Variants in WASF2 observed in about 807,000 individuals in gnomAD.
WASF2 encodes WASP family member 2.
A neutral mutation model predicts 45.0 loss-of-function variants in WASF2; 14 were observed. The ratio of observed to expected loss-of-function variants is 0.31; its 90% CI spans 0.21 to 0.49. The LOEUF (loss-of-function observed/expected upper bound fraction) is 0.49, where lower values mean the gene tolerates loss of function less well. WASF2 is among the 20% of genes least tolerant of loss of function. WASF2 has a pLI of 0.99. For missense variants in WASF2, 439 were observed against 636.1 expected, an observed-to-expected ratio of 0.69 and a Z score of 3.33; for synonymous variants, 200 against 236.3, an observed-to-expected ratio of 0.85 and a Z score of 1.41.
At chr1:27,440,805 A>G (rs1239561572) in intron 1 of WASF2, among the ~76,000 whole-genome samples, 1 of 152,244 alleles carries the variant, frequency 6.6e-6, no homozygotes, top group East Asian at 1.9e-4. Context: ...CCACATAACA[A>G]CATTTCAGTC....
rs371927422 is a variant in WASF2, at chr1:27,422,604, G to C, written c.131-3516C>G. Among the ~76,000 whole-genome samples, 31 of 112,390 alleles carry C rather than the reference G, an allele frequency of 2.8e-4. No homozygotes were observed. The East Asian group carries it at 6.3e-3, about 23-fold the overall frequency. 73.7% of individuals were successfully genotyped at this position (112,390 alleles called of 152,430 possible). A position where few individuals can be genotyped will look rare whatever the true frequency, so the allele number is the denominator to read the frequency against. ...ACTGCACTCCAGCCTGGGTGACAGA[G>C]CAAGACTCCGTCTCAAAAAAAAAAA... On this transcript the variant is annotated intron_variant, in intron 2 of 8. Transcript: ENST00000618852.
At chr1:27,479,257 G>C (rs1280088276) in intron 1 of WASF2, among the ~76,000 whole-genome samples, 1 of 151,416 alleles carries the variant, frequency 6.6e-6, no homozygotes, top group African/African-American at 2.4e-5. Context: ...CTGCACTCCA[G>C]TGTGGGCGAC....
chr1:27,457,584 C>A lies in WASF2; in HGVS notation c.-43-28651G>T, dbSNP rs558283622. 5.3e-5 allele frequency among the ~76,000 whole-genome samples: 8 copies of A among 151,242 alleles called. No homozygotes were observed. In the East Asian group the frequency reaches 1.6e-3, roughly 29 times the overall value. On this transcript the variant is annotated intron_variant, in intron 1 of 8. Coordinates refer to ENST00000618852, the MANE Select transcript of WASF2 (RefSeq NM_006990.5). The stretch of plus-strand genomic sequence containing the variant: ...GAATGGAATAATGGCAGAGTATAAT[C>A]CAGACATAAAGATCTGGGATTCAAC...
In WASF2 at chr1:27,462,177, C is replaced by T. The variant is rs551689090; in HGVS notation, c.-44+27809G>A. On this transcript the variant is annotated intron_variant, in intron 1 of 8. Transcript: ENST00000618852. Reference sequence around the variant, plus strand: ...ATTTTTAATAGAGATGGGGTTTCTCCATGCTGGCCAGGCTGGTCTCAAACT... The same window carrying T: ...ATTTTTAATAGAGATGGGGTTTCTCTATGCTGGCCAGGCTGGTCTCAAACT... 1.5e-4 allele frequency among the ~76,000 whole-genome samples: 23 copies of T among 151,370 alleles called. No individual in the cohort carries two copies. In the East Asian group the frequency reaches 4.3e-3, roughly 28 times the overall value.
chr1:27,449,603 A>C (rs1479809077), intron 1 of WASF2, among the ~76,000 whole-genome samples: 1 of 152,078 alleles, frequency 6.6e-6, no homozygotes, highest in Non-Finnish European at 1.5e-5. Context: ...CATCTCAAAA[A>C]AAAAAAAAAG....
intron 1 of WASF2, among the ~76,000 whole-genome samples, chr1:27,469,452 T>C (rs2017660645): frequency 6.6e-6 from 1 of 152,158 alleles, no homozygotes; most frequent in African/African-American, 2.4e-5. Context: ...CTTCAAGAGA[T>C]CATTCGATCT....
intron 3 of WASF2, 90 bp downstream of exon 3, chr1:27,418,864 C>CA (rs2016862225): frequency 1.5e-6 from 2 of 1,355,266 alleles, no homozygotes; most frequent in South Asian, 2.7e-5. Flanking sequence ...TTTCTCTCCT[C>CA]ACGTTTTTTT....
intron 1 of WASF2, among the ~76,000 whole-genome samples, chr1:27,487,588 ATT>A (rs1315127121): frequency 2.1e-5 from 2 of 96,910 alleles, no homozygotes; most frequent in Middle Eastern, 3.9e-3. Flanking sequence ...TATTATATAT[ATT>A]TTATATAATA....
At chr1:27,472,971 C>CA (rs59391183) in intron 1 of WASF2, among the ~76,000 whole-genome samples, 8,585 of 68,004 alleles carry the variant, frequency 0.13, 1,307 homozygotes, top group African/African-American at 0.33. Flanking sequence ...GACCTTGTCT[C>CA]AAAAAAAAAA....
chr1:27,446,982 T>C (rs904757939), intron 1 of WASF2, among the ~76,000 whole-genome samples: 1 of 152,160 alleles, frequency 6.6e-6, no homozygotes, highest in Non-Finnish European at 1.5e-5. Context: ...CATTTTTATT[T>C]TCTTGGTGAC....
Position 27,414,754 on chromosome 1 carries a change from G to A in WASF2, c.668+79C>T. The A allele has an allele frequency of 6.5e-7, 1 of 1,536,614 alleles. No individual in the cohort carries two copies. Among genetic ancestry groups the A allele is most frequent in the Admixed American group, 1.9e-5 (1 of 51,618 alleles). On this transcript the variant is annotated intron_variant, in intron 6 of 8. Coordinates refer to ENST00000618852, the MANE Select transcript of WASF2 (RefSeq NM_006990.5). The surrounding 1 kb of genome is among the most constrained non-coding windows in gnomAD (Gnocchi z 4.1). The stretch of plus-strand genomic sequence containing the variant: ...GAGACAGACTTCAGGGGGTGTGAAA[G>A]GTGTCACACCAGAGCTGTCAGACTG...
At chr1:27,449,598 CAA>C (rs575767319) in intron 1 of WASF2, among the ~76,000 whole-genome samples, 5 of 128,450 alleles carry the variant, frequency 3.9e-5, no homozygotes, top group Non-Finnish European at 6.7e-5. Context: ...GACTCCATCT[CAA>C]AAAAAAAAAA....
intron 1 of WASF2, among the ~76,000 whole-genome samples, chr1:27,486,117 G>A (rs1322406684): frequency 6.6e-6 from 1 of 151,770 alleles, no homozygotes; most frequent in African/African-American, 2.4e-5. Context: ...GGCAAAACCT[G>A]ACAAGAAATG....
Position 27,409,680 on chromosome 1 carries a change from A to G in WASF2, c.1339+12T>C. 5 of 1,490,058 alleles carry G rather than the reference A, an allele frequency of 3.4e-6. No individual in the cohort carries two copies. Among genetic ancestry groups the G allele is most frequent in the Non-Finnish European group, 4.5e-6 (5 of 1,119,186 alleles). 92.3% of individuals were successfully genotyped at this position (1,490,058 alleles called of 1,614,324 possible). ...AAGGCTCCACAGTCCCAAACCCACC[A>G]TTGAAATTTACCTTGACGGATGGCT... is the stretch of plus-strand genomic sequence containing the variant. On this transcript the variant is annotated intron_variant, in intron 8 of 8. Coordinates refer to ENST00000618852, the MANE Select transcript of WASF2 (RefSeq NM_006990.5).
rs1461250260 is a variant in WASF2, at chr1:27,418,186, A to G, written c.419+83T>C. 2.0e-6 allele frequency: 3 copies of G among 1,467,624 alleles called. No homozygotes were observed. The African/African-American group carries it at 4.3e-5, about 21-fold the overall frequency. 90.9% of individuals were successfully genotyped at this position (1,467,624 alleles called of 1,614,324 possible). A position where few individuals can be genotyped will look rare whatever the true frequency, so the allele number is the denominator to read the frequency against. On this transcript the variant is annotated intron_variant, in intron 4 of 8. Coordinates refer to ENST00000618852, the MANE Select transcript of WASF2 (RefSeq NM_006990.5). ...GTAAGCTTTTAGATACAATCCTCTG[A>G]TGGAAACAACCGCTTCAGACAAAAA... is the stretch of plus-strand genomic sequence containing the variant.
intron 8 of WASF2, among the ~76,000 whole-genome samples, chr1:27,409,347 C>G (rs1388940045): frequency 1.4e-5 from 2 of 147,456 alleles, no homozygotes; most frequent in African/African-American, 5.1e-5. Context: ...ATGGCGTGAA[C>G]CCGGGAGGCA....
At chr1:27,454,187 A>ATTTT (rs869057863) in intron 1 of WASF2, among the ~76,000 whole-genome samples, 3 of 12,774 alleles carry the variant, frequency 2.3e-4, no homozygotes, top group East Asian at 2.2e-3. Flanking sequence ...ATATATATAT[A>ATTTT]TTTTTTTTTT....
intron 1 of WASF2, among the ~76,000 whole-genome samples, chr1:27,464,767 C>T (rs546432176): frequency 2.0e-5 from 3 of 152,210 alleles, no homozygotes; most frequent in Non-Finnish European, 4.4e-5. Flanking sequence ...CTCGCTCTGT[C>T]GCCCAGACTG....
rs147681639 is a variant in WASF2, at chr1:27,482,307, G to A, written c.-44+7679C>T. Among the ~76,000 whole-genome samples the A allele has an allele frequency of 5.7e-3, 875 of 152,192 alleles. 13 individuals carry two copies. The highest frequency in any genetic ancestry group is 4.5e-3 in the Non-Finnish European group (305 of 68,004). ...TAAGGACCACTGCCTTGACCAATCC[G>A]CCTGTCACAAAAAATACTGAGCTTA... On this transcript the variant is annotated intron_variant, in intron 1 of 8. Transcript: ENST00000618852.
Sources: allele counts gnomAD v4.1 joint callset (sites outside exome capture counted in the v4.1 genomes callset), GRCh38; gene constraint gnomAD v4.1.1; non-coding constraint Gnocchi (gnomAD v3.1); transcripts MANE v1.5; gene names NCBI Gene and HGNC (gene_info 2026-07-23, HGNC 2026-07-21).